The following STK33 variants were observed in gnomAD, a reference collection of about 807,000 sequenced individuals.
STK33 encodes serine/threonine-protein kinase 33.
A neutral mutation model predicts 58.0 loss-of-function variants in STK33; 52 were observed. That is an observed-to-expected ratio of 0.90 (90% CI 0.72 to 1.13). STK33 has a LOEUF of 1.13. STK33 is among the 50% of genes most tolerant of loss of function. The pLI is 0.00. For synonymous variants in STK33, 215 were observed against 200.1 expected (o/e 1.07, Z -0.63); for missense variants, 630 against 604.2 (o/e 1.04, Z -0.45).
At chr11:8,565,832 C>T (rs573584142) in intron 1 of STK33, 1 of 152,250 alleles carries the variant, frequency 6.6e-6, no homozygotes, top group African/African-American at 2.4e-5. Context: ...AGGACTCCCT[C>T]GTTCCTCCAC....
the STK33 span, among the ~76,000 whole-genome samples, chr11:8,370,790 CTT>C: frequency 6.6e-6 from 1 of 152,320 alleles, no homozygotes; most frequent in Admixed American, 6.5e-5. Context: ...CCTAGGCTCT[CTT>C]GTCAGGAGGA....
chr11:8,472,457 G>A (rs540914922), intron 6 of STK33, among the ~76,000 whole-genome samples: 18 of 152,250 alleles, frequency 1.2e-4, no homozygotes, highest in African/African-American at 4.3e-4. Context: ...ATATTTTTGT[G>A]TATCAGGGAC....
chr11:8,352,857 T>C, the STK33 span, among the ~76,000 whole-genome samples: 8 of 152,246 alleles, frequency 5.3e-5, no homozygotes, highest in African/African-American at 1.9e-4. Flanking sequence ...AGATTATTTC[T>C]GCCAGGGACC....
intron 14 of STK33, among the ~76,000 whole-genome samples, chr11:8,418,404 C>T (rs759509187): frequency 1.3e-5 from 2 of 151,918 alleles, no homozygotes; most frequent in Non-Finnish European, 2.9e-5. Flanking sequence ...GCCATGTTCC[C>T]GCAAAAGACA....
At chr11:8,342,907 G>A in the STK33 span, among the ~76,000 whole-genome samples, 4 of 152,372 alleles carry the variant, frequency 2.6e-5, no homozygotes, top group Non-Finnish European at 4.4e-5. Context: ...AAAGGTGTGT[G>A]TCAGGGAAAG....
At chr11:8,559,385 T>C (rs1177585083) in intron 1 of STK33, among the ~76,000 whole-genome samples, 1 of 152,182 alleles carries the variant, frequency 6.6e-6, no homozygotes, top group African/African-American at 2.4e-5. Flanking sequence ...AATCATGTAA[T>C]AAAAACAGTG....
chr11:8,592,119 T>C (rs4520598), intron 1 of STK33, among the ~76,000 whole-genome samples: 60,067 of 151,956 alleles, frequency 0.4, 12,213 homozygotes, highest in South Asian at 0.57. Context: ...CAGCCCAGTC[T>C]TGATTCCAGT....
Position 8,393,565 on chromosome 11 carries a change from AGGGGCCCAGCCACT to A in STK33, c.1345-869_1345-856del, listed in dbSNP as rs1263241533. 2.0e-5 allele frequency among the ~76,000 whole-genome samples: 3 copies of A among 152,310 alleles called. No individual in the cohort carries two copies. The East Asian group carries it at 5.8e-4, about 29-fold the overall frequency. On this transcript the variant is annotated intron_variant, in intron 15 of 15. Coordinates refer to ENST00000687296, the MANE Select transcript of STK33 (RefSeq NM_001352389.2). ...TCTCAGGAGACCCACAAAGCAGCACAGGGGCCCAGCCACTGGGGTAGAGATAGGGAAGCTCTGGT... is the reference window on the plus strand; with the variant it reads ...TCTCAGGAGACCCACAAAGCAGCACAGGGGTAGAGATAGGGAAGCTCTGGT...
At chr11:8,460,205 G>T (rs892915629) in intron 8 of STK33, among the ~76,000 whole-genome samples, 3 of 151,836 alleles carry the variant, frequency 2.0e-5, no homozygotes, top group African/African-American at 7.3e-5. Context: ...AAAATTAACA[G>T]GCATATAAAG....
At chr11:8,478,734 T>C (rs1164290609) in intron 2 of STK33, among the ~76,000 whole-genome samples, 2 of 151,944 alleles carry the variant, frequency 1.3e-5, no homozygotes, top group African/African-American at 2.4e-5. Context: ...ATGTGTTTTA[T>C]TCAAGTAAAG....
chr11:8,430,695 A>T (rs999720414), intron 14 of STK33, among the ~76,000 whole-genome samples: 22 of 152,066 alleles, frequency 1.4e-4, no homozygotes, highest in African/African-American at 5.3e-4. Context: ...TAAACCCTCT[A>T]CTAGGCTGTG....
the STK33 span, among the ~76,000 whole-genome samples, chr11:8,367,000 T>G: frequency 2.0e-5 from 3 of 152,228 alleles, no homozygotes; most frequent in Admixed American, 2.0e-4. Flanking sequence ...GTATTTGTTA[T>G]TCTTGTGTAA....
intron 14 of STK33, among the ~76,000 whole-genome samples, chr11:8,414,762 A>G (rs1390061822): frequency 6.6e-6 from 1 of 152,138 alleles, no homozygotes; most frequent in Non-Finnish European, 1.5e-5. Context: ...TACCACGTTC[A>G]TAACATCCCA....
intron 1 of STK33, among the ~76,000 whole-genome samples, chr11:8,569,902 T>C (rs1001211218): frequency 8.5e-5 from 13 of 152,120 alleles, no homozygotes; most frequent in African/African-American, 2.7e-4. Flanking sequence ...TGAGCCGTAA[T>C]TGTGCCACTG....
intron 1 of STK33, among the ~76,000 whole-genome samples, chr11:8,482,838 T>C (rs1949922366): frequency 6.6e-6 from 1 of 152,080 alleles, no homozygotes; most frequent in South Asian, 2.1e-4. Context: ...CACGCCATTC[T>C]CCTGCCTCAG....
At chr11:8,454,045 G>A (rs1946578620) in intron 10 of STK33, among the ~76,000 whole-genome samples, 1 of 152,170 alleles carries the variant, frequency 6.6e-6, no homozygotes, top group East Asian at 1.9e-4. Flanking sequence ...CACAATTCTT[G>A]CCTTCATAGA....
At chr11:8,545,995 T>A (rs1955880938) in intron 1 of STK33, among the ~76,000 whole-genome samples, 1 of 152,240 alleles carries the variant, frequency 6.6e-6, no homozygotes, top group East Asian at 1.9e-4. Context: ...TATAGCATTT[T>A]ACTGTATTAA....
At chr11:8,463,531 A>G (rs1947825891) in intron 7 of STK33, among the ~76,000 whole-genome samples, 1 of 152,120 alleles carries the variant, frequency 6.6e-6, no homozygotes. Flanking sequence ...CCCTCGACCT[A>G]AAGGATCAAG....
chr11:8,398,608 A>T (rs1232496760), intron 15 of STK33, among the ~76,000 whole-genome samples: 3 of 152,334 alleles, frequency 2.0e-5, no homozygotes, highest in African/African-American at 7.2e-5. Flanking sequence ...TTCAGACGTA[A>T]CAATATTAAC....
Sources: gnomAD v4.1 joint callset for allele counts (sites outside exome capture counted in the v4.1 genomes callset) on GRCh38, gnomAD v4.1.1 for gene constraint, MANE v1.5 for transcripts, NCBI Gene and HGNC (gene_info 2026-07-23, HGNC 2026-07-21) for gene names.